BRINP1: variants seen among roughly 807,000 people sequenced by gnomAD.
The protein encoded by BRINP1 is BMP/retinoic acid inducible neural specific 1.
A neutral mutation model predicts 72.9 loss-of-function variants in BRINP1; 17 were observed. The ratio of observed to expected loss-of-function variants is 0.23; its 90% CI spans 0.16 to 0.35. The LOEUF (loss-of-function observed/expected upper bound fraction) is 0.35. Ranked by LOEUF, BRINP1 falls within the 10% of genes least tolerant of loss-of-function variation. The pLI is 1.00. For missense variants in BRINP1, 850 were observed against 1,001.6 expected (o/e 0.85, Z 2.04); for synonymous variants, 418 against 378.5 (o/e 1.10, Z -1.21).
Position 119,168,890 on chromosome 9 carries a change from TAA to T in BRINP1, c.1146-668_1146-667del, listed in dbSNP as rs542849884. ...CACTTTTACACTGTTGATGTGAGTA[TAA>T]GTCAGTTCAACCATTGTGGAAGACA... On this transcript the variant is annotated intron_variant, in intron 7 of 7. Coordinates refer to ENST00000265922, the MANE Select transcript of BRINP1 (RefSeq NM_014618.3). 1.7e-3 allele frequency among the ~76,000 whole-genome samples: 261 copies of T among 152,300 alleles called. 1 individual carries two copies. Among genetic ancestry groups the T allele is most frequent in the African/African-American group, 6.1e-3 (254 of 41,572 alleles).
chr9:119,179,695 T>C (rs1829531513), intron 7 of BRINP1, among the ~76,000 whole-genome samples: 1 of 152,122 alleles, frequency 6.6e-6, no homozygotes, highest in South Asian at 2.1e-4. Flanking sequence ...ACAGAGAGAC[T>C]GCGACTCACC....
intron 1 of BRINP1, among the ~76,000 whole-genome samples, chr9:119,338,060 G>A (rs1831365659): frequency 6.6e-6 from 1 of 152,106 alleles, no homozygotes; most frequent in South Asian, 2.1e-4. Flanking sequence ...TAAAGATACT[G>A]GCTTAAGTCA....
intron 5 of BRINP1, among the ~76,000 whole-genome samples, chr9:119,218,843 G>T (rs188652283): frequency 9.9e-5 from 15 of 151,176 alleles, no homozygotes; most frequent in African/African-American, 2.7e-4. Flanking sequence ...CAACTCGGCT[G>T]CCATGGACTG....
chr9:119,246,322 G>T (rs1830315929), intron 3 of BRINP1, among the ~76,000 whole-genome samples: 1 of 152,124 alleles, frequency 6.6e-6, no homozygotes, highest in African/African-American at 2.4e-5. Context: ...CATCTGTGTG[G>T]GTACAATCTA....
In BRINP1 at chr9:119,181,765, G is replaced by C. The variant is rs1385425262; in HGVS notation, c.1146-13541C>G. Among the ~76,000 whole-genome samples, 4 of 151,928 alleles carry C rather than the reference G, an allele frequency of 2.6e-5. No individual in the cohort carries two copies. In the East Asian group the frequency reaches 7.7e-4, roughly 29 times the overall value. On this transcript the variant is annotated intron_variant, in intron 7 of 7. Coordinates refer to ENST00000265922, the MANE Select transcript of BRINP1 (RefSeq NM_014618.3). ...GTCACCAAGATACTTGAAGAAGAAA[G>C]AGCTAACATGAGCTTTGGAATCCAA...
chr9:119,176,260 C>T (rs2118831703), intron 7 of BRINP1, among the ~76,000 whole-genome samples: 1 of 152,250 alleles, frequency 6.6e-6, no homozygotes, highest in Non-Finnish European at 1.5e-5. Context: ...GAGCACCTTT[C>T]CTAAGGCTGT....
chr9:119,251,902 G>A (rs148116410), intron 2 of BRINP1, among the ~76,000 whole-genome samples: 110 of 152,142 alleles, frequency 7.2e-4, no homozygotes, highest in African/African-American at 2.5e-3. Flanking sequence ...TCACTTTCAC[G>A]TTTCAGTTAC....
intron 1 of BRINP1, among the ~76,000 whole-genome samples, chr9:119,320,540 C>G (rs1831175675): frequency 6.6e-6 from 1 of 152,008 alleles, no homozygotes; most frequent in Non-Finnish European, 1.5e-5. Flanking sequence ...GCGAAGTGCT[C>G]CGAACAAAAT....
intron 7 of BRINP1, among the ~76,000 whole-genome samples, chr9:119,204,004 A>T (rs1052656083): frequency 1.3e-5 from 2 of 152,180 alleles, no homozygotes; most frequent in Non-Finnish European, 2.9e-5. Context: ...AAGCTGTGTA[A>T]AAGTCTCACA....
intron 7 of BRINP1, among the ~76,000 whole-genome samples, chr9:119,180,468 T>A (rs1829541720): frequency 7.5e-6 from 1 of 134,180 alleles, no homozygotes; most frequent in Non-Finnish European, 1.6e-5. Flanking sequence ...TGTGTGTGAC[T>A]CTCTCTGTGC....
intron 2 of BRINP1, among the ~76,000 whole-genome samples, chr9:119,278,468 A>G (rs1383415040): frequency 2.0e-5 from 3 of 152,194 alleles, no homozygotes; most frequent in Admixed American, 2.0e-4. Flanking sequence ...CATAGATTCT[A>G]TTTGTGACTC....
intron 1 of BRINP1, among the ~76,000 whole-genome samples, chr9:119,350,738 G>A (rs552345793): frequency 5.9e-5 from 9 of 152,000 alleles, no homozygotes; most frequent in South Asian, 2.1e-4. Flanking sequence ...AGCCCTGGCC[G>A]GCTCAATTCT....
chr9:119,268,131 T>C (rs1830567332), intron 2 of BRINP1, among the ~76,000 whole-genome samples: 1 of 152,054 alleles, frequency 6.6e-6, no homozygotes, highest in Admixed American at 6.6e-5. Flanking sequence ...TAATCCCAGC[T>C]ACTCAGGAGG....
At chr9:119,339,659 T>C (rs995530612) in intron 1 of BRINP1, among the ~76,000 whole-genome samples, 6 of 152,230 alleles carry the variant, frequency 3.9e-5, no homozygotes, top group African/African-American at 7.2e-5. Flanking sequence ...GCTGTCTTTT[T>C]AATTTTCTAC....
At chr9:119,204,035 C>T (rs1460450506) in intron 7 of BRINP1, among the ~76,000 whole-genome samples, 1 of 152,196 alleles carries the variant, frequency 6.6e-6, no homozygotes, top group Non-Finnish European at 1.5e-5. Context: ...GGTCTCAGGA[C>T]ACTCCCTCTC....
chr9:119,184,719 T>G (rs1409729412), intron 7 of BRINP1, among the ~76,000 whole-genome samples: 3 of 152,156 alleles, frequency 2.0e-5, no homozygotes, highest in Non-Finnish European at 4.4e-5. Flanking sequence ...CTGGTCCCTG[T>G]GACAGATGAG....
chr9:119,248,088 T>C (rs79991081), intron 3 of BRINP1, among the ~76,000 whole-genome samples: 4 of 152,204 alleles, frequency 2.6e-5, no homozygotes, highest in African/African-American at 9.7e-5. Context: ...CAGTTGGTAG[T>C]GCTCAACATG....
At chr9:119,278,210 C>G (rs1441272773) in intron 2 of BRINP1, among the ~76,000 whole-genome samples, 3 of 152,150 alleles carry the variant, frequency 2.0e-5, no homozygotes, top group Non-Finnish European at 4.4e-5. Flanking sequence ...CCTTTCAGAA[C>G]CTCTGACTTC....
rs1831725537 is a variant in BRINP1, at chr9:119,368,969, G to A, written c.-51+87C>T. 5.1e-6 allele frequency: 2 copies of A among 389,460 alleles called. No individual in the cohort carries two copies. The highest frequency in any genetic ancestry group is 2.1e-5 in the African/African-American group (1 of 48,474). 24.1% of individuals were successfully genotyped at this position (389,460 alleles called of 1,614,324 possible). A position where few individuals can be genotyped will look rare whatever the true frequency, so the allele number is the denominator to read the frequency against. ...AAGGGTGCCGGTAGGGGGAGGGGCA[G>A]AGGAGCGCGGGGACGCCCCGAATGC... On this transcript the variant is annotated intron_variant, in intron 1 of 7. Transcript: ENST00000265922. The surrounding 1 kb of genome is among the most constrained non-coding windows in gnomAD (Gnocchi z 4.7).
Sources: gnomAD v4.1 joint callset for allele counts (sites outside exome capture counted in the v4.1 genomes callset) on GRCh38, gnomAD v4.1.1 for gene constraint, Gnocchi (gnomAD v3.1) non-coding constraint, MANE v1.5 for transcripts, NCBI Gene and HGNC (gene_info 2026-07-23, HGNC 2026-07-21) for gene names.